Variants in TJP1 observed in about 807,000 individuals in gnomAD.
TJP1 encodes the protein tight junction protein ZO-1.
TJP1 carries 43 observed loss-of-function variants against 194.2 expected under a neutral mutation model. The ratio of observed to expected loss-of-function variants is 0.22; its 90% CI spans 0.17 to 0.29. The LOEUF (loss-of-function observed/expected upper bound fraction) is 0.29, where lower values mean the gene tolerates loss of function less well. Among genes scored for constraint, TJP1 ranks in the 10% least tolerant of loss-of-function variants. The probability of loss-of-function intolerance (pLI) is 1.00; values close to 1 mark genes in which losing one functional copy is unlikely to be tolerated. For synonymous variants in TJP1, 801 were observed against 779.0 expected, an observed-to-expected ratio of 1.03 and a Z score of -0.47; for missense variants, 1,971 against 2,185.7, an observed-to-expected ratio of 0.90 and a Z score of 1.96.
intron 1 of TJP1, among the ~76,000 whole-genome samples, chr15:29,808,448 T>C (rs1261616445): frequency 1.3e-5 from 2 of 152,200 alleles, no homozygotes; most frequent in African/African-American, 4.8e-5. Flanking sequence ...TGAAAATATA[T>C]CAATCTGTGT....
At chr15:29,867,233 G>C (rs1288852307) in intron 2 of TJP1, among the ~76,000 whole-genome samples, 1 of 152,218 alleles carries the variant, frequency 6.6e-6, no homozygotes, top group Non-Finnish European at 1.5e-5. Flanking sequence ...CATGCTGTTT[G>C]TGGCTAATAT....
intron 2 of TJP1, among the ~76,000 whole-genome samples, chr15:29,907,109 A>G (rs1445143825): frequency 6.6e-6 from 1 of 152,058 alleles, no homozygotes; most frequent in East Asian, 1.9e-4. Context: ...TCAAAATAAA[A>G]AGTAAAAGAA....
Position 29,818,854 on chromosome 15 carries a change from T to C in TJP1, c.27+3148A>G, listed in dbSNP as rs147740369. On this transcript the variant is annotated intron_variant, in intron 1 of 27. Transcript: ENST00000614355. ...GTTTTTGAGACGGAAGCTCACTTTG[T>C]CGCCCAGGCTGTAGTGCAGTGGCCC... Among the ~76,000 whole-genome samples, 321 of 151,952 alleles carry C rather than the reference T, an allele frequency of 2.1e-3. 1 individual carries two copies. Among genetic ancestry groups the C allele is most frequent in the African/African-American group, 7.3e-3 (304 of 41,442 alleles).
chr15:29,818,797 G>T (rs1057203216), intron 1 of TJP1, among the ~76,000 whole-genome samples: 1 of 149,884 alleles, frequency 6.7e-6, no homozygotes, highest in Non-Finnish European at 1.5e-5. Context: ...ATTACACCGC[G>T]CCCGGCCACG....
In TJP1 at chr15:29,700,769, A is replaced by C; in HGVS notation, c.*826T>G. ...AAAGAAAAGAAAAAAATATCCCCAA[A>C]TCACACCACTATTTTCTTCTGGGTG... On this transcript the variant is annotated 3_prime_UTR_variant, in exon 28 of 28. Coordinates refer to ENST00000614355, the MANE Select transcript of TJP1 (RefSeq NM_001330239.4). 1 of 223,004 alleles carries C rather than the reference A, an allele frequency of 4.5e-6. No homozygotes were observed. The highest frequency in any genetic ancestry group is 8.7e-6 in the Non-Finnish European group (1 of 115,076). 13.8% of individuals were successfully genotyped at this position (223,004 alleles called of 1,614,324 possible).
At chr15:29,843,343 C>G (rs994488097) in intron 2 of TJP1, among the ~76,000 whole-genome samples, 1 of 152,118 alleles carries the variant, frequency 6.6e-6, no homozygotes, top group African/African-American at 2.4e-5. Context: ...GTGCCCACCA[C>G]CACACCTGGC....
intron 2 of TJP1, among the ~76,000 whole-genome samples, chr15:29,946,493 CAT>C (rs2055287140): frequency 6.6e-6 from 1 of 152,238 alleles, no homozygotes; most frequent in Non-Finnish European, 1.5e-5. Flanking sequence ...AACCTCAGGG[CAT>C]GCGCCCTGAT....
intron 1 of TJP1, among the ~76,000 whole-genome samples, chr15:29,958,734 A>C (rs1301231990): frequency 6.6e-6 from 1 of 151,420 alleles, no homozygotes; most frequent in Non-Finnish European, 1.5e-5. Context: ...ACCTCCTCCT[A>C]AACAAGAAGT....
chr15:29,862,700 T>G (rs1370379465), intron 2 of TJP1, among the ~76,000 whole-genome samples: 1 of 144,998 alleles, frequency 6.9e-6, no homozygotes, highest in Non-Finnish European at 1.5e-5. Flanking sequence ...CAGGCTGGAG[T>G]GCAGTGGTGC....
At chr15:29,788,136 A>G (rs1305605446) in intron 2 of TJP1, among the ~76,000 whole-genome samples, 1 of 152,144 alleles carries the variant, frequency 6.6e-6, no homozygotes, top group African/African-American at 2.4e-5. Context: ...TATTCAAATC[A>G]TTTGCTATTT....
intron 10 of TJP1, among the ~76,000 whole-genome samples, chr15:29,737,715 A>C (rs998631114): frequency 6.6e-6 from 1 of 152,222 alleles, no homozygotes; most frequent in Admixed American, 6.5e-5. Context: ...GTTATGGTAC[A>C]TTCCAAATGG....
intron 1 of TJP1, among the ~76,000 whole-genome samples, chr15:29,809,563 T>C (rs1391734913): frequency 1.3e-5 from 2 of 152,108 alleles, no homozygotes; most frequent in African/African-American, 2.4e-5. Flanking sequence ...ACACTAAACA[T>C]GGCTGGGCGC....
intron 2 of TJP1, among the ~76,000 whole-genome samples, chr15:29,906,870 G>A (rs561611524): frequency 6.6e-6 from 1 of 152,158 alleles, no homozygotes; most frequent in African/African-American, 2.4e-5. Flanking sequence ...ATGAGCCACT[G>A]TGCCTGGCCT....
chr15:29,704,439 C>CAA (rs2041761940), intron 26 of TJP1, 134 bp from the exon 27 acceptor site: 1 of 1,010,866 alleles, frequency 9.9e-7, no homozygotes, highest in African/African-American at 1.6e-5. Context: ...GCACTGACCA[C>CAA]AAAAAAACGT....
At chr15:29,865,264 T>C (rs1448546859) in intron 2 of TJP1, among the ~76,000 whole-genome samples, 4 of 152,214 alleles carry the variant, frequency 2.6e-5, no homozygotes, top group East Asian at 3.8e-4. Context: ...GCCACGAAGA[T>C]ATTAACAAAC....
chr15:29,728,115 A>C, intron 15 of TJP1, 96 bp from the exon 16 acceptor site: 2 of 977,420 alleles, frequency 2.0e-6, no homozygotes, highest in Non-Finnish European at 3.2e-6. Context: ...GCCGGACTGG[A>C]TAGTACTTTG....
At chr15:29,786,556 G>A (rs2047712805) in intron 2 of TJP1, among the ~76,000 whole-genome samples, 1 of 152,174 alleles carries the variant, frequency 6.6e-6, no homozygotes, top group Non-Finnish European at 1.5e-5. Flanking sequence ...ATGGAGTGCA[G>A]TGGTGCAATC....
intron 23 of TJP1, among the ~76,000 whole-genome samples, chr15:29,713,169 G>A (rs2042345796): frequency 2.0e-5 from 3 of 152,196 alleles, no homozygotes; most frequent in African/African-American, 7.2e-5. Flanking sequence ...AGACCTGGAA[G>A]TCTCACATAG....
intron 11 of TJP1, among the ~76,000 whole-genome samples, chr15:29,736,346 G>C (rs904586338): frequency 1.1e-4 from 16 of 152,202 alleles, no homozygotes; most frequent in African/African-American, 3.6e-4. Context: ...CCAGTGGAGA[G>C]AGAAAGACAA....
Sources: gnomAD v4.1 joint callset for allele counts (sites outside exome capture counted in the v4.1 genomes callset) on GRCh38, gnomAD v4.1.1 for gene constraint, MANE v1.5 for transcripts, NCBI Gene and HGNC (gene_info 2026-07-23, HGNC 2026-07-21) for gene names.